ARID5A: variants seen among roughly 807,000 people sequenced by gnomAD.
ARID5A encodes the protein AT-rich interaction domain 5A.
In ARID5A, 14 loss-of-function variants were observed where a neutral mutation model predicts 30.5. That is an observed-to-expected ratio of 0.46 (90% CI 0.30 to 0.72). The LOEUF is 0.72. Among genes scored for constraint, ARID5A ranks in the 30% least tolerant of loss-of-function variants. ARID5A has a pLI of 0.07. For synonymous variants in ARID5A, 338 were observed against 340.4 expected, an observed-to-expected ratio of 0.99 and a Z score of 0.08; for missense variants, 669 against 786.2, an observed-to-expected ratio of 0.85 and a Z score of 1.78.
rs939218001 is a variant in ARID5A at position 96,539,731 on chromosome 2, C to T, written c.4+2901C>T. ...CATGCCCCTTCCCGGCCCTCCCCCT[C>T]TCCCCGCTGCTGCCCAGCTCTCTGA... On this transcript the variant is annotated intron_variant, in intron 1 of 6. Coordinates refer to ENST00000357485, the MANE Select transcript of ARID5A (RefSeq NM_212481.3). This position sits in a 1 kb window ranked among gnomAD's most constrained non-coding sequence, Gnocchi z 4.7. Among the ~76,000 whole-genome samples the T allele has an allele frequency of 1.6e-5, 2 of 124,620 alleles. No homozygotes were observed. Among genetic ancestry groups the T allele is most frequent in the Non-Finnish European group, 3.1e-5 (2 of 63,952 alleles). 81.8% of individuals were successfully genotyped at this position (124,620 alleles called of 152,430 possible).
intron 1 of ARID5A, among the ~76,000 whole-genome samples, chr2:96,541,287 C>G (rs779830846): frequency 6.6e-6 from 1 of 151,038 alleles, no homozygotes; most frequent in Non-Finnish European, 1.5e-5. Flanking sequence ...CTGCCCGCCT[C>G]GGCCTCCCAA....
chr2:96,550,896 G>T lies in ARID5A; in HGVS notation c.570+163G>T, dbSNP rs928420733. Among the ~76,000 whole-genome samples the T allele has an allele frequency of 8.5e-5, 13 of 152,170 alleles. No homozygotes were observed. Among genetic ancestry groups the T allele is most frequent in the African/African-American group, 3.1e-4 (13 of 41,450 alleles). On this transcript the variant is annotated intron_variant, in intron 6 of 6. Coordinates refer to ENST00000357485, the MANE Select transcript of ARID5A (RefSeq NM_212481.3). The surrounding 1 kb of genome is among the most constrained non-coding windows in gnomAD (Gnocchi z 6.6). ...TTCTCCACAGATGGTTGTGCAAGTG[G>T]ACTCTGAACTCCAGCCTGCGCCCAC... is the stretch of plus-strand genomic sequence containing the variant.
chr2:96,548,275 A>AT (rs34482542), intron 2 of ARID5A, among the ~76,000 whole-genome samples: 18 of 149,722 alleles, frequency 1.2e-4, no homozygotes, highest in East Asian at 3.9e-4. Flanking sequence ...ATCAATTATT[A>AT]TTTTTTTTTT....
At chr2:96,543,247 C>A (rs530078508) in intron 1 of ARID5A, among the ~76,000 whole-genome samples, 1 of 152,210 alleles carries the variant, frequency 6.6e-6, no homozygotes, top group Non-Finnish European at 1.5e-5. Flanking sequence ...AAGCAACTTA[C>A]CCATAACCAT....
Position 96,550,021 on chromosome 2 carries a change from GCCAGCAGTCCATGGC to G in ARID5A, c.313-164_313-150del. On this transcript the variant is annotated intron_variant, in intron 4 of 6. Coordinates refer to ENST00000357485, the MANE Select transcript of ARID5A (RefSeq NM_212481.3). This position sits in a 1 kb window ranked among gnomAD's most constrained non-coding sequence, Gnocchi z 6.6. ...GCCCCGTGTTGGGAAAACTGCTTGG[GCCAGCAGTCCATGGC>G]CCTAGGAGAGAGAATCGGCTGGCCG... is the stretch of plus-strand genomic sequence containing the variant. 3.9e-6 allele frequency: 6 copies of G among 1,533,910 alleles called. No individual in the cohort carries two copies. Among genetic ancestry groups the G allele is most frequent in the Non-Finnish European group, 5.2e-6 (6 of 1,146,458 alleles).
rs115890458 is a variant in ARID5A at position 96,542,238 on chromosome 2, A to T, written c.5-5164A>T. Reference sequence around the variant, plus strand: ...AGGACTCTCCCTTCTTGCTCATCTAATGCTGCAGAAGAGGGGGCCCAAAGG... The same window carrying T: ...AGGACTCTCCCTTCTTGCTCATCTATTGCTGCAGAAGAGGGGGCCCAAAGG... On this transcript the variant is annotated intron_variant, in intron 1 of 6. Coordinates refer to ENST00000357485, the MANE Select transcript of ARID5A (RefSeq NM_212481.3). 2.6e-5 allele frequency among the ~76,000 whole-genome samples: 4 copies of T among 152,260 alleles called. No homozygotes were observed. In the East Asian group the frequency reaches 7.7e-4, roughly 29 times the overall value.
Position 96,550,291 on chromosome 2 carries a change from G to T in ARID5A, c.410+6G>T. ...ACGCGCCGCCACTACGAGAGGTACG[G>T]CGGGGCGGGCCCGGGTGCTGGACGC... On this transcript the variant is annotated splice_donor_region_variant and intron_variant, in intron 5 of 6. Transcript: ENST00000357485. The surrounding 1 kb of genome is among the most constrained non-coding windows in gnomAD (Gnocchi z 6.6). 2 of 1,443,480 alleles carry T rather than the reference G, an allele frequency of 1.4e-6. No individual in the cohort carries two copies. Among genetic ancestry groups the T allele is most frequent in the Non-Finnish European group, 9.0e-7 (1 of 1,105,726 alleles). The allele number at this position is 1,443,480 out of a possible 1,614,324, so 89.4% of individuals were successfully genotyped here.
Position 96,547,433 on chromosome 2 carries a change from C to T in ARID5A, c.36C>T (p.Ser12=), listed in dbSNP as rs888309930. ...AAPVKGNRKQ[S]TEGDALDPPA... is the part of the protein sequence containing the mutation. ...CTGTCAAAGGGAACAGGAAGCAGTC[C>T]ACGGAGGGTGACGCCCTAGACCCAC... is the stretch of plus-strand genomic sequence containing the variant. The change falls in exon 2 of 7, where the codon TCC becomes TCT. Residue 12 remains serine, a synonymous_variant. Coordinates refer to ENST00000357485, the MANE Select transcript of ARID5A (RefSeq NM_212481.3). 1 of 1,613,864 alleles carries T rather than the reference C, an allele frequency of 6.2e-7. No homozygotes were observed. The highest frequency in any genetic ancestry group is 8.5e-7 in the Non-Finnish European group (1 of 1,179,988).
In ARID5A at chr2:96,552,486, T is replaced by C; in HGVS notation, c.*173T>C. On this transcript the variant is annotated 3_prime_UTR_variant, in exon 7 of 7. Coordinates refer to ENST00000357485, the MANE Select transcript of ARID5A (RefSeq NM_212481.3). ...AGGCAGTGGGAAAACTGGGTTTATC[T>C]CAAGGCAGCAGCCTGAGCCCAGGAG... 1 of 1,536,980 alleles carries C rather than the reference T, an allele frequency of 6.5e-7. No individual in the cohort carries two copies. The highest frequency in any genetic ancestry group is 8.7e-7 in the Non-Finnish European group (1 of 1,146,746).
chr2:96,538,787 T>C (rs1230647870), intron 1 of ARID5A, among the ~76,000 whole-genome samples: 1 of 152,182 alleles, frequency 6.6e-6, no homozygotes, highest in East Asian at 1.9e-4. Context: ...GTTACCATTA[T>C]TGTGGTAATT....
chr2:96,552,195 C>G lies in ARID5A; in HGVS notation c.1667C>G (p.Pro556Arg). 1 of 1,613,534 alleles carries G rather than the reference C, an allele frequency of 6.2e-7. No individual in the cohort carries two copies. ...PMAAGLMHFP[P>R]TSFDSALRHR... Reference sequence around the variant, plus strand: ...GCCGCTGGCCTGATGCACTTCCCCCCAACGTCCTTCGACAGTGCCCTCCGC... The same window carrying G: ...GCCGCTGGCCTGATGCACTTCCCCCGAACGTCCTTCGACAGTGCCCTCCGC... Residue 556 changes from proline (P) to arginine (R), a missense_variant, in exon 7 of 7, where the codon CCA (proline) becomes CGA (arginine). Physicochemically the swap from Pro to Arg is moderately radical, Grantham distance 103. Coordinates refer to ENST00000357485, the MANE Select transcript of ARID5A (RefSeq NM_212481.3).
intron 1 of ARID5A, among the ~76,000 whole-genome samples, chr2:96,541,257 C>T (rs1043512634): frequency 2.0e-5 from 3 of 151,718 alleles, no homozygotes; most frequent in Admixed American, 6.6e-5. Flanking sequence ...AGGATGGTCT[C>T]GATCTCTTGA....
chr2:96,539,687 A>G lies in ARID5A; in HGVS notation c.4+2857A>G, dbSNP rs555333959. 2.6e-5 allele frequency among the ~76,000 whole-genome samples: 4 copies of G among 152,284 alleles called. No homozygotes were observed. Among genetic ancestry groups the G allele is most frequent in the African/African-American group, 9.6e-5 (4 of 41,556 alleles). ...TCCCCGACCCAGGCCAGGGAAGTTG[A>G]TTCATAGAGTGTGGGGGCCATGCCC... is the stretch of plus-strand genomic sequence containing the variant. On this transcript the variant is annotated intron_variant, in intron 1 of 6. Transcript: ENST00000357485. This position sits in a 1 kb window ranked among gnomAD's most constrained non-coding sequence, Gnocchi z 4.7.
At position 96,551,788 on chromosome 2, in the gene ARID5A, C is replaced by G; in HGVS notation, c.1260C>G (p.Pro420=). Residue 420 remains proline (P), a synonymous_variant, in exon 7 of 7, where the codon CCC becomes CCG. Coordinates refer to ENST00000357485, the MANE Select transcript of ARID5A (RefSeq NM_212481.3). ...AGCCCAAAGCCTGCTGGGTGTCCCC[C>G]ATGGCCAAGGTCCCAGCCGAGAGCC... ...YPKPKACWVS[P]MAKVPAESPT... is the part of the protein sequence containing the mutation. 1 of 1,553,900 alleles carries G rather than the reference C, an allele frequency of 6.4e-7. No individual in the cohort carries two copies. The highest frequency in any genetic ancestry group is 1.4e-5 in the African/African-American group (1 of 72,498).
At chr2:96,546,369 G>A (rs902080441) in intron 1 of ARID5A, among the ~76,000 whole-genome samples, 4 of 152,262 alleles carry the variant, frequency 2.6e-5, no homozygotes, top group Non-Finnish European at 4.4e-5. Flanking sequence ...AGCCTGCTGT[G>A]TGGCCTCAGG....
chr2:96,538,766 T>C (rs553999503), intron 1 of ARID5A, among the ~76,000 whole-genome samples: 1 of 152,334 alleles, frequency 6.6e-6, no homozygotes, highest in East Asian at 1.9e-4. Flanking sequence ...CTGGTTGTTA[T>C]TGAGGCTGCT....
At position 96,552,169 on chromosome 2, in the gene ARID5A, G is replaced by A. The variant is rs142579927; in HGVS notation, c.1641G>A (p.Met547Ile). The A allele has an allele frequency of 3.7e-6, 6 of 1,613,288 alleles. No homozygotes were observed. The African/African-American group carries it at 4.0e-5, about 11-fold the overall frequency. ...TGGCCACCGCAGGCCCCTCGCCCAT[G>A]GCCGCTGGCCTGATGCACTTCCCCC... is the stretch of plus-strand genomic sequence containing the variant. ...HFLATAGPSP[M>I]AAGLMHFPPT... The change falls in exon 7 of 7, where the codon ATG becomes ATA. Residue 547 changes from methionine (M) to isoleucine (I), a missense_variant. Coordinates refer to ENST00000357485, the MANE Select transcript of ARID5A (RefSeq NM_212481.3).
In ARID5A at chr2:96,551,664, G is replaced by C. The variant is rs905424466; in HGVS notation, c.1136G>C (p.Gly379Ala). The C allele has an allele frequency of 1.2e-5, 18 of 1,523,780 alleles. No individual in the cohort carries two copies. Among genetic ancestry groups the C allele is most frequent in the Non-Finnish European group, 1.6e-5 (18 of 1,138,882 alleles). The allele number at this position is 1,523,780 out of a possible 1,614,324, so 94.4% of individuals were successfully genotyped here. A position where few individuals can be genotyped will look rare whatever the true frequency, so the allele number is the denominator to read the frequency against. The change falls in exon 7 of 7, where the codon GGG becomes GCG. Residue 379 changes from glycine (G) to alanine (A), a missense_variant. Physicochemically the swap from Gly to Ala is moderately conservative, Grantham distance 60. Around this residue, in one of 4 missense-constraint regions of ARID5A, gnomAD observed 548 missense variants for 577.4 expected, o/e 0.95. Transcript: ENST00000357485. Reference sequence around the variant, plus strand: ...CTATTGGGGCCTCCTGGCAAAGAGGGGCTGTCAGTGAAAGAGCCCCAGCTG... The same window carrying C: ...CTATTGGGGCCTCCTGGCAAAGAGGCGCTGTCAGTGAAAGAGCCCCAGCTG... ...GVLLGPPGKE[G>A]LSVKEPQLVW...
At position 96,550,322 on chromosome 2, in the gene ARID5A, A is replaced by G. The variant is rs1383464099; in HGVS notation, c.410+37A>G. ...CGGGCCCGGGTGCTGGACGCCGCCTACCCTGCGGGGCTTTGGCCGACCTTG... is the reference window on the plus strand; with the variant it reads ...CGGGCCCGGGTGCTGGACGCCGCCTGCCCTGCGGGGCTTTGGCCGACCTTG... On this transcript the variant is annotated intron_variant, in intron 5 of 6. Transcript: ENST00000357485. This position sits in a 1 kb window ranked among gnomAD's most constrained non-coding sequence, Gnocchi z 6.6. 12 of 1,425,076 alleles carry G rather than the reference A, an allele frequency of 8.4e-6. No homozygotes were observed. The Admixed American group carries it at 9.2e-5, about 11-fold the overall frequency. The allele number at this position is 1,425,076 out of a possible 1,614,324, so 88.3% of individuals were successfully genotyped here.
Sources: gnomAD v4.1 joint callset for allele counts (sites outside exome capture counted in the v4.1 genomes callset) on GRCh38, gnomAD v4.1.1 for gene constraint, gnomAD v4.1.1 regional missense constraint, Gnocchi (gnomAD v3.1) non-coding constraint, MANE v1.5 for transcripts, NCBI Gene and HGNC (gene_info 2026-07-23, HGNC 2026-07-21) for gene names.